Variants in KIF11 observed in about 807,000 individuals in gnomAD.
KIF11 encodes kinesin family member 11, also known as kinesin-like protein KIF11.
In KIF11, 9 loss-of-function variants were observed where a neutral mutation model predicts 121.0. The ratio of observed to expected loss-of-function variants is 0.07; its 90% CI spans 0.04 to 0.13. The LOEUF is 0.13. KIF11 is among the 10% of genes least tolerant of loss of function. The pLI, the probability that KIF11 is intolerant of heterozygous loss-of-function variation, is 1.00. For synonymous variants in KIF11, 408 were observed against 421.0 expected (o/e 0.97, Z 0.38); for missense variants, 846 against 1,217.5 (o/e 0.69, Z 4.54).
At chr10:92,621,692 C>T (rs1488302241) in intron 10 of KIF11, among the ~76,000 whole-genome samples, 1 of 152,042 alleles carries the variant, frequency 6.6e-6, no homozygotes. Flanking sequence ...TCCTCAGTCT[C>T]CTGGGCTCAA....
intron 8 of KIF11, among the ~76,000 whole-genome samples, chr10:92,614,545 A>AC (rs1260445015): frequency 1.3e-5 from 2 of 152,146 alleles, no homozygotes; most frequent in Non-Finnish European, 1.5e-5. Flanking sequence ...TTTTCCACAC[A>AC]GTCTTCAAAG....
At chr10:92,636,800 C>T (rs1387713083) in intron 14 of KIF11, among the ~76,000 whole-genome samples, 3 of 150,278 alleles carry the variant, frequency 2.0e-5, no homozygotes, top group Non-Finnish European at 4.4e-5. Context: ...TGGGAGGCCA[C>T]GGGGGGCGGA....
intron 12 of KIF11, among the ~76,000 whole-genome samples, chr10:92,631,453 C>A (rs889926281): frequency 1.3e-5 from 2 of 150,172 alleles, no homozygotes; most frequent in African/African-American, 4.9e-5. Flanking sequence ...GCTCCGCTTC[C>A]CGGGTTCACG....
chr10:92,610,150 C>T (rs538286824), intron 6 of KIF11, among the ~76,000 whole-genome samples: 2 of 152,248 alleles, frequency 1.3e-5, no homozygotes, highest in South Asian at 4.1e-4. Context: ...TGAGGCTTAC[C>T]TCCTTAGCCT....
rs1256564321 is a variant in KIF11 at position 92,613,490 on chromosome 10, C to T, written c.903C>T (p.Ala301=). 6.2e-7 allele frequency: 1 copy of T among 1,612,974 alleles called. No individual in the cohort carries two copies. Among genetic ancestry groups the T allele is most frequent in the East Asian group, 2.2e-5 (1 of 44,838 alleles). Residue 301 remains alanine (A), a synonymous_variant, in exon 8 of 22, where the codon GCC becomes GCT. Transcript: ENST00000260731. This position sits in a 1 kb window ranked among gnomAD's most constrained non-coding sequence, Gnocchi z 4.2. Reference sequence around the variant, plus strand: ...TGACTTTGGGAAGGGTCATTACTGCCCTTGTAGAAAGAACACCTCATGTTC... The same window carrying T: ...TGACTTTGGGAAGGGTCATTACTGCTCTTGTAGAAAGAACACCTCATGTTC... The part of the protein sequence containing the change: ...SLLTLGRVIT[A]LVERTPHVPY...
chr10:92,621,616 T>G lies in KIF11; in HGVS notation c.1217+143T>G. The G allele has an allele frequency of 1.4e-5, 7 of 499,978 alleles. No homozygotes were observed. The Admixed American group carries it at 1.5e-4, about 11-fold the overall frequency. 31.0% of individuals were successfully genotyped at this position (499,978 alleles called of 1,614,324 possible). A position where few individuals can be genotyped will look rare whatever the true frequency, so the allele number is the denominator to read the frequency against. On this transcript the variant is annotated intron_variant, in intron 10 of 21. Transcript: ENST00000260731. Reference sequence around the variant, plus strand: ...TCATTTTGTGTGTGTGTGTGTTTTCTTTTGAGACAAGGTCTCGCACTGTCA... The same window carrying G: ...TCATTTTGTGTGTGTGTGTGTTTTCGTTTGAGACAAGGTCTCGCACTGTCA...
chr10:92,646,007 A>G (rs1844914655), intron 18 of KIF11, among the ~76,000 whole-genome samples: 1 of 147,098 alleles, frequency 6.8e-6, no homozygotes, highest in Admixed American at 6.9e-5. Context: ...GCTGGAGTGC[A>G]ATGGCACGAT....
At chr10:92,649,147 T>A (rs1844953488) in intron 19 of KIF11, among the ~76,000 whole-genome samples, 1 of 151,956 alleles carries the variant, frequency 6.6e-6, no homozygotes, top group African/African-American at 2.4e-5. Flanking sequence ...TAAAAAGCAA[T>A]TGTTAAAAGG....
chr10:92,628,775 TA>T lies in KIF11; in HGVS notation c.1218-31del, dbSNP rs1462449437. On this transcript the variant is annotated intron_variant, in intron 10 of 21. Coordinates refer to ENST00000260731, the MANE Select transcript of KIF11 (RefSeq NM_004523.4). ...TTTTATAGGAGTTAGAAAAAAATAT[TA>T]ACTGTTAAACTCATATTAAACTTTA... The T allele has an allele frequency of 2.6e-6, 3 of 1,173,816 alleles. No individual in the cohort carries two copies. The African/African-American group carries it at 4.6e-5, about 18-fold the overall frequency. The allele number at this position is 1,173,816 out of a possible 1,614,324, so 72.7% of individuals were successfully genotyped here.
intron 9 of KIF11, among the ~76,000 whole-genome samples, chr10:92,619,364 C>T (rs989665835): frequency 6.6e-5 from 10 of 152,090 alleles, no homozygotes; most frequent in Non-Finnish European, 1.2e-4. Context: ...GAGTATGTAC[C>T]ATACATACAG....
intron 6 of KIF11, 100 bp downstream of exon 6, chr10:92,609,609 C>A: frequency 8.9e-7 from 1 of 1,128,758 alleles, no homozygotes; most frequent in South Asian, 1.6e-5. Flanking sequence ...ATGTGGGTCA[C>A]GTACCTAGAG....
intron 11 of KIF11, among the ~76,000 whole-genome samples, chr10:92,629,589 C>T (rs1373795019): frequency 1.3e-5 from 2 of 151,686 alleles, no homozygotes; most frequent in East Asian, 3.9e-4. Context: ...TCAGGGCCAC[C>T]CTCATATTAA....
At chr10:92,601,862 C>T (rs75659988) in intron 1 of KIF11, among the ~76,000 whole-genome samples, 10,334 of 152,068 alleles carry the variant, frequency 0.068, 541 homozygotes, top group South Asian at 0.1. Flanking sequence ...TTTAGAGGAA[C>T]ATTCTTCAGT....
At chr10:92,597,130 T>G in intron 1 of KIF11, 1 of 294,018 alleles carries the variant, frequency 3.4e-6, no homozygotes, top group South Asian at 3.8e-5. Flanking sequence ...GCTTTGGCCC[T>G]TTGTGCAGTG....
rs1179601249 is a variant in KIF11, at chr10:92,608,318, A to G, written c.388-702A>G. ...GACAGTTGGGTAGAACCTTTCTTCT[A>G]GTGGTTACATAATTGAGTCATTAAC... is the stretch of plus-strand genomic sequence containing the variant. On this transcript the variant is annotated intron_variant, in intron 4 of 21. Transcript: ENST00000260731. Among the ~76,000 whole-genome samples, 3 of 151,870 alleles carry G rather than the reference A, an allele frequency of 2.0e-5. 1 individual carries two copies. The highest frequency in any genetic ancestry group is 6.8e-3 in the Middle Eastern group (2 of 294).
At chr10:92,627,979 T>A (rs1844697866) in intron 10 of KIF11, among the ~76,000 whole-genome samples, 1 of 152,194 alleles carries the variant, frequency 6.6e-6, no homozygotes, top group African/African-American at 2.4e-5. Context: ...CAGTCCATGA[T>A]GTCTAGTGAA....
At chr10:92,628,705 G>A in intron 10 of KIF11, 103 bp from the exon 11 acceptor site, 1 of 579,796 alleles carries the variant, frequency 1.7e-6, no homozygotes, top group Non-Finnish European at 3.0e-6. Context: ...GGTGATAAAT[G>A]TTGGAAATGA....
At chr10:92,619,837 A>G (rs1321063525) in intron 9 of KIF11, among the ~76,000 whole-genome samples, 1 of 147,344 alleles carries the variant, frequency 6.8e-6, no homozygotes, top group East Asian at 1.9e-4. Context: ...ATATACATGT[A>G]TATATATATT....
rs1844515653 is a variant in KIF11 at position 92,613,178 on chromosome 10, G to T, written c.789+48G>T. 4 of 1,420,712 alleles carry T rather than the reference G, an allele frequency of 2.8e-6. No individual in the cohort carries two copies. The highest frequency in any genetic ancestry group is 1.2e-5 in the South Asian group (1 of 81,110). 88.0% of individuals were successfully genotyped at this position (1,420,712 alleles called of 1,614,324 possible). On this transcript the variant is annotated intron_variant, in intron 7 of 21. Transcript: ENST00000260731. The surrounding 1 kb of genome is among the most constrained non-coding windows in gnomAD (Gnocchi z 4.2). ...CTGTTTCACTCTTAAACACCTTATA[G>T]AGCAGCTTGAAATTTTGTCCTTGAG...
Sources: gnomAD v4.1 joint callset for allele counts (sites outside exome capture counted in the v4.1 genomes callset) on GRCh38, gnomAD v4.1.1 for gene constraint, Gnocchi (gnomAD v3.1) non-coding constraint, MANE v1.5 for transcripts, NCBI Gene and HGNC (gene_info 2026-07-23, HGNC 2026-07-21) for gene names.